The following PYM1 variants were observed in gnomAD, a reference collection of about 807,000 sequenced individuals.
PYM1 encodes partner of Y14 and mago.
In PYM1, 7 loss-of-function variants were observed where a neutral mutation model predicts 20.7. The observed-to-expected ratio is 0.34, with a 90% confidence interval of 0.19 to 0.64. PYM1 has a LOEUF of 0.64. PYM1 is among the 30% of genes least tolerant of loss of function. PYM1 has a pLI of 0.74. For missense variants in PYM1, 194 were observed against 250.0 expected (o/e 0.78, Z 1.51); for synonymous variants, 100 against 99.2 (o/e 1.01, Z -0.05).
chr12:55,926,600 GAGGAAAAGGTACT>G (rs1883191396), intron 1 of PYM1, among the ~76,000 whole-genome samples: 1 of 152,168 alleles, frequency 6.6e-6, no homozygotes. Context: ...AGATACGGGA[GAGGAAAAGGTACT>G]ATGTAGAAAC....
chr12:55,921,252 T>C (rs1883092880), intron 1 of PYM1, among the ~76,000 whole-genome samples: 1 of 152,206 alleles, frequency 6.6e-6, no homozygotes, highest in Non-Finnish European at 1.5e-5. Context: ...GAACAATGTG[T>C]TGGACACTTT....
In PYM1 at chr12:55,902,040, C is replaced by G; in HGVS notation, c.447G>C (p.Glu149Asp). Residue 149 changes from glutamate (E) to aspartate (D), a missense_variant, in exon 3 of 3, where the codon GAG (glutamate) becomes GAC (aspartate). Physicochemically the swap from Glu to Asp is conservative, Grantham distance 45. Coordinates refer to ENST00000408946, the MANE Select transcript of PYM1 (RefSeq NM_032345.3). ...TTAGGTTCTTTATCTTCTTGGCTTT[C>G]TCAGTGGTGGCAGCTGAGTCAGGCT... ...SDQPDSAATT[E>D]KAKKIKNLKK... is the part of the protein sequence containing the mutation. 1 of 1,614,176 alleles carries G rather than the reference C, an allele frequency of 6.2e-7. No individual in the cohort carries two copies. The highest frequency in any genetic ancestry group is 8.5e-7 in the Non-Finnish European group (1 of 1,180,028).
intron 1 of PYM1, among the ~76,000 whole-genome samples, chr12:55,919,843 G>A (rs778312496): frequency 1.3e-5 from 2 of 150,516 alleles, no homozygotes; most frequent in South Asian, 2.1e-4. Context: ...CAGAGATCGC[G>A]TCACTGCACT....
intron 1 of PYM1, among the ~76,000 whole-genome samples, chr12:55,910,701 C>A (rs1011812955): frequency 1.3e-5 from 2 of 152,168 alleles, no homozygotes; most frequent in South Asian, 4.1e-4. Context: ...ACCTCAGCCT[C>A]CCAAAGTGTT....
intron 1 of PYM1, among the ~76,000 whole-genome samples, chr12:55,921,529 T>C (rs926663078): frequency 6.6e-6 from 1 of 150,566 alleles, no homozygotes; most frequent in African/African-American, 2.4e-5. Flanking sequence ...CTCCCATAAA[T>C]AAAAAAAAAT....
intron 1 of PYM1, among the ~76,000 whole-genome samples, chr12:55,925,244 A>C (rs1023006054): frequency 1.3e-5 from 2 of 152,228 alleles, no homozygotes; most frequent in Non-Finnish European, 2.9e-5. Flanking sequence ...GGGCAGCACC[A>C]AAGGCCATAA....
chr12:55,912,656 T>C (rs1882945135), intron 1 of PYM1, among the ~76,000 whole-genome samples: 1 of 151,952 alleles, frequency 6.6e-6, no homozygotes, highest in Non-Finnish European at 1.5e-5. Flanking sequence ...AAAGCCACCA[T>C]ACTCTCTGCT....
intron 1 of PYM1, among the ~76,000 whole-genome samples, chr12:55,919,731 C>CT (rs1022348954): frequency 6.6e-6 from 1 of 151,714 alleles, no homozygotes; most frequent in Non-Finnish European, 1.5e-5. Flanking sequence ...AACCCCATCT[C>CT]TAACTAAAAA....
At chr12:55,905,840 GAT>G (rs1180635628) in intron 1 of PYM1, among the ~76,000 whole-genome samples, 2 of 110,148 alleles carry the variant, frequency 1.8e-5, no homozygotes, top group South Asian at 2.5e-4. Context: ...ATATATATTA[GAT>G]ATATATATTA....
At chr12:55,924,840 A>G (rs1236580727) in intron 1 of PYM1, among the ~76,000 whole-genome samples, 1 of 152,064 alleles carries the variant, frequency 6.6e-6, no homozygotes, top group African/African-American at 2.4e-5. Flanking sequence ...CCATGCCACC[A>G]CACTCAGCTA....
intron 1 of PYM1, among the ~76,000 whole-genome samples, chr12:55,917,745 T>C (rs1883032002): frequency 6.6e-6 from 1 of 151,984 alleles, no homozygotes; most frequent in South Asian, 2.1e-4. Flanking sequence ...ATGGATCGCC[T>C]GAGGTCAGGA....
Position 55,927,739 on chromosome 12 carries a change from G to T in PYM1, c.23C>A (p.Ala8Glu), listed in dbSNP as rs1883222085. Residue 8 changes from alanine to glutamate, a missense_variant, in exon 1 of 3, where the codon GCG (alanine) becomes GAG (glutamate). This residue lies in a region of PYM1 where 19 missense variants were observed against 17.8 expected (regional missense o/e 1.07). Coordinates refer to ENST00000408946, the MANE Select transcript of PYM1 (RefSeq NM_032345.3). ...GGGTCGGTCACCTGTCTCCGTAGCC[G>T]CAGGGCTGCCGGCAGCTTCCATGGC... MEAAGSPAATETGKYIAS... is the reference protein window; with the variant it reads MEAAGSPEATETGKYIAS... 1 of 1,539,790 alleles carries T rather than the reference G, an allele frequency of 6.5e-7. No homozygotes were observed. The highest frequency in any genetic ancestry group is 8.7e-7 in the Non-Finnish European group (1 of 1,146,542).
chr12:55,912,763 G>A (rs1357797833), intron 1 of PYM1, among the ~76,000 whole-genome samples: 3 of 151,720 alleles, frequency 2.0e-5, no homozygotes, highest in East Asian at 1.9e-4. Flanking sequence ...TCAGGAGTTC[G>A]AGACCAGCCT....
chr12:55,907,932 C>T (rs1485457706), intron 1 of PYM1, among the ~76,000 whole-genome samples: 5 of 150,880 alleles, frequency 3.3e-5, no homozygotes, highest in African/African-American at 7.3e-5. Flanking sequence ...AGCGAGACTC[C>T]GTCTCAAAAA....
intron 1 of PYM1, among the ~76,000 whole-genome samples, chr12:55,924,972 G>A (rs548114885): frequency 1.4e-4 from 21 of 152,282 alleles, no homozygotes; most frequent in Non-Finnish European, 2.4e-4. Flanking sequence ...GGCGTGAGCC[G>A]CCATGCCCAG....
At chr12:55,919,820 C>T (rs188784054) in intron 1 of PYM1, among the ~76,000 whole-genome samples, 5 of 151,658 alleles carry the variant, frequency 3.3e-5, no homozygotes, top group Admixed American at 6.6e-5. Context: ...TAGCTTGAGC[C>T]CAGTTGGCAG....
intron 1 of PYM1, among the ~76,000 whole-genome samples, chr12:55,916,312 G>A (rs150680212): frequency 2.4e-3 from 365 of 151,820 alleles, no homozygotes; most frequent in African/African-American, 7.0e-3. Flanking sequence ...TCTAGCCTGG[G>A]TGACAGAGTG....
intron 1 of PYM1, among the ~76,000 whole-genome samples, chr12:55,922,573 C>T (rs2136269639): frequency 6.6e-6 from 1 of 151,758 alleles, no homozygotes; most frequent in African/African-American, 2.4e-5. Flanking sequence ...GCCATGATGG[C>T]ATCACCGCAC....
chr12:55,918,867 C>CA (rs1406840987), intron 1 of PYM1, among the ~76,000 whole-genome samples: 12 of 151,938 alleles, frequency 7.9e-5, no homozygotes, highest in Middle Eastern at 3.4e-3. Context: ...GCGTCCATCT[C>CA]AAAAAAACAA....
Sources: gnomAD v4.1 joint callset for allele counts (sites outside exome capture counted in the v4.1 genomes callset) on GRCh38, gnomAD v4.1.1 for gene constraint, gnomAD v4.1.1 regional missense constraint, MANE v1.5 for transcripts, NCBI Gene and HGNC (gene_info 2026-07-23, HGNC 2026-07-21) for gene names.